The following SHISA9 variants were observed in gnomAD, a reference collection of about 807,000 sequenced individuals.
SHISA9 encodes protein shisa-9.
In SHISA9, 13 loss-of-function variants were observed where a neutral mutation model predicts 38.0. The ratio of observed to expected loss-of-function variants is 0.34; its 90% confidence interval spans 0.22 to 0.54. The LOEUF (loss-of-function observed/expected upper bound fraction) is 0.54, where lower values mean the gene tolerates loss of function less well. Among genes scored for constraint, SHISA9 ranks in the 20% least tolerant of loss-of-function variants. SHISA9 has a pLI of 0.91. For synonymous variants in SHISA9, 275 were observed against 242.0 expected (o/e 1.14, Z -1.27); for missense variants, 538 against 575.8 (o/e 0.93, Z 0.67).
intron 2 of SHISA9, among the ~76,000 whole-genome samples, chr16:12,960,531 G>C (rs986264385): frequency 1.3e-5 from 2 of 152,106 alleles, no homozygotes; most frequent in Non-Finnish European, 2.9e-5. Flanking sequence ...GCCCATCAAT[G>C]ATAGACTAGA....
chr16:12,995,075 A>AT (rs2072441511), intron 2 of SHISA9, among the ~76,000 whole-genome samples: 3 of 151,960 alleles, frequency 2.0e-5, no homozygotes, highest in South Asian at 4.2e-4. Context: ...AAATTAATTA[A>AT]TTTTTTTAAA....
intron 2 of SHISA9, among the ~76,000 whole-genome samples, chr16:13,117,430 TG>T (rs147751088): frequency 0.014 from 2,195 of 152,336 alleles, 46 homozygotes; most frequent in African/African-American, 0.048. Flanking sequence ...TCCCTAATCC[TG>T]GAACTTGTGC....
Position 13,210,790 on chromosome 16 carries a change from G to A in SHISA9, c.848-2463G>A, listed in dbSNP as rs191181634. 1.3e-3 allele frequency among the ~76,000 whole-genome samples: 204 copies of A among 152,292 alleles called. 1 individual carries two copies. Among genetic ancestry groups the A allele is most frequent in the African/African-American group, 4.7e-3 (194 of 41,562 alleles). On this transcript the variant is annotated intron_variant, in intron 3 of 4. Transcript: ENST00000558583. ...TAGCATAGTTATTTCCCCATAATCC[G>A]TACTTTTAGTAAATGGCAGAGCCAA...
chr16:12,994,667 C>G (rs1261237219), intron 2 of SHISA9, among the ~76,000 whole-genome samples: 1 of 152,120 alleles, frequency 6.6e-6, no homozygotes, highest in African/African-American at 2.4e-5. Context: ...TGGTATCCAA[C>G]CACTAAGATT....
At chr16:13,019,887 CTTTCTTTCTTTCTTTCTTT>C (rs1567184101) in intron 2 of SHISA9, among the ~76,000 whole-genome samples, 144 of 13,050 alleles carry the variant, frequency 0.011, 6 homozygotes, top group Admixed American at 0.014. Context: ...TCCCTCCCTT[CTTTCTTTCTTTCTTTCTTT>C]CTTTCTTTCT....
the SHISA9 span, among the ~76,000 whole-genome samples, chr16:13,330,144 C>T: frequency 6.6e-6 from 1 of 152,196 alleles, no homozygotes; most frequent in African/African-American, 2.4e-5. Context: ...ATTCCAGTGG[C>T]ACATTCAGAT....
At chr16:13,413,096 C>A in the SHISA9 span, among the ~76,000 whole-genome samples, 1 of 152,096 alleles carries the variant, frequency 6.6e-6, no homozygotes, top group South Asian at 2.1e-4. Flanking sequence ...ACTCGGGGAA[C>A]TTTTCACAAA....
At chr16:13,136,679 C>T (rs1357945805) in intron 2 of SHISA9, among the ~76,000 whole-genome samples, 6 of 152,098 alleles carry the variant, frequency 3.9e-5, no homozygotes, top group Admixed American at 6.6e-5. Flanking sequence ...GGATTACAGG[C>T]GTGAGCCACC....
At chr16:12,980,875 T>G (rs1223495919) in intron 2 of SHISA9, among the ~76,000 whole-genome samples, 2 of 152,198 alleles carry the variant, frequency 1.3e-5, no homozygotes, top group African/African-American at 4.8e-5. Flanking sequence ...AACCATTATA[T>G]TTTTCATGCC....
At chr16:13,313,703 G>GAAC in the SHISA9 span, among the ~76,000 whole-genome samples, 1 of 152,166 alleles carries the variant, frequency 6.6e-6, no homozygotes, top group Non-Finnish European at 1.5e-5. Flanking sequence ...GTAACAAATT[G>GAAC]TATACACAGA....
intron 1 of SHISA9, among the ~76,000 whole-genome samples, chr16:12,907,085 TTTCC>T (rs2071108300): frequency 7.8e-6 from 1 of 127,882 alleles, no homozygotes; most frequent in Non-Finnish European, 1.7e-5. Flanking sequence ...TCCTTTGTTT[TTTCC>T]TTCCTTCCTT....
chr16:13,182,841 C>T (rs1297030447), intron 2 of SHISA9, among the ~76,000 whole-genome samples: 2 of 152,114 alleles, frequency 1.3e-5, no homozygotes, highest in African/African-American at 2.4e-5. Context: ...TTATTATCTT[C>T]CATAGTTCTT....
At chr16:13,377,302 A>G in the SHISA9 span, among the ~76,000 whole-genome samples, 1 of 152,228 alleles carries the variant, frequency 6.6e-6, no homozygotes, top group Non-Finnish European at 1.5e-5. Context: ...CTGAGTATTC[A>G]GAGCAGCCGT....
At chr16:13,005,319 A>G (rs1477937811) in intron 2 of SHISA9, among the ~76,000 whole-genome samples, 1 of 152,160 alleles carries the variant, frequency 6.6e-6, no homozygotes, top group African/African-American at 2.4e-5. Context: ...GATAAGACAG[A>G]GGAGATCAGC....
chr16:13,507,889 G>A, the SHISA9 span, among the ~76,000 whole-genome samples: 42 of 152,254 alleles, frequency 2.8e-4, no homozygotes, highest in East Asian at 4.4e-3. Context: ...AAAGCCGTCC[G>A]TGCCTTAGGT....
the SHISA9 span, among the ~76,000 whole-genome samples, chr16:13,487,708 G>C: frequency 6.6e-6 from 1 of 152,186 alleles, no homozygotes; most frequent in Non-Finnish European, 1.5e-5. Flanking sequence ...CTAACATAAT[G>C]TAAATGCTAT....
intron 2 of SHISA9, among the ~76,000 whole-genome samples, chr16:13,106,950 C>T (rs896083999): frequency 1.4e-5 from 2 of 140,606 alleles, no homozygotes; most frequent in African/African-American, 2.6e-5. Flanking sequence ...CATCAATAAA[C>T]TTGCTCTTTC....
chr16:13,413,818 T>C, the SHISA9 span, among the ~76,000 whole-genome samples: 7 of 142,934 alleles, frequency 4.9e-5, no homozygotes, highest in East Asian at 8.2e-4. Flanking sequence ...GAGTTGAGTA[T>C]ATATATTGGG....
At chr16:13,143,355 C>T (rs1024384176) in intron 2 of SHISA9, among the ~76,000 whole-genome samples, 23 of 152,062 alleles carry the variant, frequency 1.5e-4, no homozygotes, top group Admixed American at 2.6e-4. Context: ...AAGCTTTTAG[C>T]CTAACACCAC....
Sources: allele counts gnomAD v4.1 joint callset (sites outside exome capture counted in the v4.1 genomes callset), GRCh38; gene constraint gnomAD v4.1.1; transcripts MANE v1.5; gene names NCBI Gene and HGNC (gene_info 2026-07-23, HGNC 2026-07-21).